Variants in GRM1 observed in about 807,000 individuals in gnomAD.
GRM1 encodes the protein glutamate metabotropic receptor 1.
Under a neutral mutation model 90.9 loss-of-function variants are expected in GRM1, and 33 were observed. That is an observed-to-expected ratio of 0.36 (90% confidence interval 0.28 to 0.49). The LOEUF (loss-of-function observed/expected upper bound fraction) is 0.49. Among genes scored for constraint, GRM1 ranks in the 20% least tolerant of loss-of-function variants. The probability of loss-of-function intolerance (pLI) is 0.99; values close to 1 mark genes in which losing one functional copy is unlikely to be tolerated. For synonymous variants in GRM1, 700 were observed against 613.2 expected (o/e 1.14, Z -2.09); for missense variants, 1,190 against 1,534.3 (o/e 0.78, Z 3.75).
At chr6:146,087,448 G>A (rs1322955378) in intron 1 of GRM1, among the ~76,000 whole-genome samples, 1 of 152,116 alleles carries the variant, frequency 6.6e-6, no homozygotes, top group Non-Finnish European at 1.5e-5. Context: ...ACTTGTGTGT[G>A]TGTGTCTGTG....
At chr6:146,353,620 G>A (rs1785479666) in intron 4 of GRM1, among the ~76,000 whole-genome samples, 1 of 152,082 alleles carries the variant, frequency 6.6e-6, no homozygotes, top group Admixed American at 6.6e-5. Context: ...ATTAGGCAAC[G>A]TGGCTGGCAA....
At chr6:146,331,139 A>AGCGGCTGATAGGG (rs1784574494) in intron 3 of GRM1, among the ~76,000 whole-genome samples, 1 of 152,156 alleles carries the variant, frequency 6.6e-6, no homozygotes, top group Non-Finnish European at 1.5e-5. Context: ...GTCTCAGAAG[A>AGCGGCTGATAGGG]GCGGCTGATA....
chr6:146,159,887 G>T, intron 2 of GRM1: 2 of 271,478 alleles, frequency 7.4e-6, no homozygotes, highest in Non-Finnish European at 1.4e-5. Flanking sequence ...CTGCATTCTA[G>T]TCTTGGTGAC....
chr6:146,169,879 T>C (rs2128894120), intron 2 of GRM1, among the ~76,000 whole-genome samples: 1 of 152,334 alleles, frequency 6.6e-6, no homozygotes, highest in East Asian at 1.9e-4. Flanking sequence ...AGCTTCCACA[T>C]ACTAACCAAG....
At chr6:146,258,028 G>A (rs1434440596) in intron 2 of GRM1, among the ~76,000 whole-genome samples, 1 of 151,932 alleles carries the variant, frequency 6.6e-6, no homozygotes, top group African/African-American at 2.4e-5. Flanking sequence ...AATACTTGTG[G>A]TTTTAGTAGC....
chr6:146,199,593 A>G (rs1394648090), intron 2 of GRM1, among the ~76,000 whole-genome samples: 2 of 152,160 alleles, frequency 1.3e-5, no homozygotes, highest in Non-Finnish European at 2.9e-5. Flanking sequence ...TATTCCTAGC[A>G]GAGTTATACT....
At chr6:146,312,198 G>A (rs1266731719) in intron 3 of GRM1, among the ~76,000 whole-genome samples, 2 of 151,288 alleles carry the variant, frequency 1.3e-5, no homozygotes, top group African/African-American at 2.4e-5. Flanking sequence ...AAAATTAGCC[G>A]GGCACAGTGG....
intron 2 of GRM1, among the ~76,000 whole-genome samples, chr6:146,200,858 A>C (rs1424198776): frequency 6.6e-6 from 1 of 152,152 alleles, no homozygotes; most frequent in East Asian, 1.9e-4. Flanking sequence ...GTTCAAATAA[A>C]GTTTTGGTCA....
At chr6:146,375,573 C>T (rs1776066807) in intron 5 of GRM1, among the ~76,000 whole-genome samples, 1 of 151,922 alleles carries the variant, frequency 6.6e-6, no homozygotes, top group African/African-American at 2.4e-5. Context: ...TATCTAGGTG[C>T]TCCAGTATTT....
At chr6:146,210,372 A>C (rs1779649543) in intron 2 of GRM1, among the ~76,000 whole-genome samples, 1 of 152,234 alleles carries the variant, frequency 6.6e-6, no homozygotes, top group Non-Finnish European at 1.5e-5. Context: ...TAAGTGCTTA[A>C]CACAGTATGA....
chr6:146,369,532 T>C (rs920849444), intron 5 of GRM1, among the ~76,000 whole-genome samples: 1 of 151,828 alleles, frequency 6.6e-6, no homozygotes, highest in African/African-American at 2.4e-5. Context: ...CACCTTTATT[T>C]GTTTCTCAAT....
intron 1 of GRM1, among the ~76,000 whole-genome samples, chr6:146,030,869 C>T (rs1321899398): frequency 6.6e-6 from 1 of 152,022 alleles, no homozygotes; most frequent in Non-Finnish European, 1.5e-5. Context: ...TAAAATCATC[C>T]AGATTCCCTC....
chr6:146,101,088 A>G (rs548757292), intron 1 of GRM1, among the ~76,000 whole-genome samples: 1 of 152,308 alleles, frequency 6.6e-6, no homozygotes, highest in East Asian at 1.9e-4. Flanking sequence ...GTGAGAACCT[A>G]TCTCATAAAA....
chr6:146,184,411 T>C (rs2114557320), intron 2 of GRM1, among the ~76,000 whole-genome samples: 2 of 152,266 alleles, frequency 1.3e-5, no homozygotes, highest in East Asian at 3.9e-4. Context: ...ATTCTCTAAT[T>C]GTGGCTGATA....
intron 2 of GRM1, among the ~76,000 whole-genome samples, chr6:146,299,993 T>C (rs993849849): frequency 2.0e-5 from 3 of 152,248 alleles, no homozygotes; most frequent in African/African-American, 7.2e-5. Flanking sequence ...ACACGTGCTA[T>C]ATTTCTTCAA....
At chr6:146,219,795 C>A (rs762134524) in intron 2 of GRM1, among the ~76,000 whole-genome samples, 1 of 152,062 alleles carries the variant, frequency 6.6e-6, no homozygotes, top group Non-Finnish European at 1.5e-5. Context: ...CAGGGGCTTT[C>A]TTTGGGGAAG....
chr6:146,324,475 A>T (rs976043868), intron 3 of GRM1, among the ~76,000 whole-genome samples: 1 of 151,954 alleles, frequency 6.6e-6, no homozygotes, highest in African/African-American at 2.4e-5. Flanking sequence ...AATAAAATTT[A>T]AAAAACTCCT....
At chr6:146,213,186 A>G (rs948521852) in intron 2 of GRM1, among the ~76,000 whole-genome samples, 4 of 152,132 alleles carry the variant, frequency 2.6e-5, no homozygotes, top group Non-Finnish European at 5.9e-5. Flanking sequence ...GGAGGAGAGG[A>G]AGCACATGCA....
intron 5 of GRM1, among the ~76,000 whole-genome samples, chr6:146,368,889 C>T (rs1008781129): frequency 5.9e-5 from 9 of 151,906 alleles, no homozygotes; most frequent in Admixed American, 2.0e-4. Flanking sequence ...ATTCACTTCT[C>T]TTCAATTTTT....
Sources: allele counts gnomAD v4.1 joint callset (sites outside exome capture counted in the v4.1 genomes callset), GRCh38; gene constraint gnomAD v4.1.1; transcripts MANE v1.5; gene names NCBI Gene and HGNC (gene_info 2026-07-23, HGNC 2026-07-21).